CIMAP1D: variants seen among roughly 807,000 people sequenced by gnomAD.
CIMAP1D encodes the protein protein CIMAP1D.
At chr19:490,150 G>T in the CIMAP1D span, 1 of 379,634 alleles carries the variant, frequency 2.6e-6, no homozygotes, top group Non-Finnish European at 4.7e-6. Context: ...GAGGTCAGGA[G>T]TTTGAGACCA....
At chr19:482,153 C>T in the CIMAP1D span, among the ~76,000 whole-genome samples, 21 of 152,150 alleles carry the variant, frequency 1.4e-4, no homozygotes, top group African/African-American at 5.1e-4. Context: ...TTTATTAACC[C>T]CCATATCCAA....
At chr19:474,592 C>G in the CIMAP1D span, 1 of 1,484,994 alleles carries the variant, frequency 6.7e-7, no homozygotes, top group Non-Finnish European at 9.0e-7. Flanking sequence ...AGGAAAAGGT[C>G]CCACCCATCC....
chr19:464,823 G>T, the CIMAP1D span, among the ~76,000 whole-genome samples: 3 of 152,350 alleles, frequency 2.0e-5, no homozygotes, highest in Admixed American at 2.0e-4. Flanking sequence ...AGGATAGGTA[G>T]GAGGTGAGTG....
At chr19:482,162 A>G in the CIMAP1D span, among the ~76,000 whole-genome samples, 31 of 152,332 alleles carry the variant, frequency 2.0e-4, no homozygotes, top group African/African-American at 7.5e-4. Context: ...CCCCATATCC[A>G]AAATAATATC....
the CIMAP1D span, among the ~76,000 whole-genome samples, chr19:491,041 A>C: frequency 3.3e-5 from 5 of 151,860 alleles, no homozygotes; most frequent in Non-Finnish European, 7.4e-5. Flanking sequence ...GGTTGCAGTG[A>C]GCTGAGATCG....
the CIMAP1D span, chr19:463,838 C>A: frequency 1.2e-6 from 2 of 1,604,842 alleles, no homozygotes; most frequent in Non-Finnish European, 1.7e-6. Flanking sequence ...GGGAAACAGG[C>A]CTGGCCTAGC....
chr19:491,053 G>A, the CIMAP1D span, among the ~76,000 whole-genome samples: 1 of 151,562 alleles, frequency 6.6e-6, no homozygotes, highest in Non-Finnish European at 1.5e-5. Context: ...CTGAGATCGT[G>A]CCACTGCACT....
At chr19:490,576 A>G in the CIMAP1D span, among the ~76,000 whole-genome samples, 1 of 152,230 alleles carries the variant, frequency 6.6e-6, no homozygotes, top group Non-Finnish European at 1.5e-5. Context: ...TCAGGCCACT[A>G]AAGTTCTAGT....
the CIMAP1D span, chr19:464,194 T>C: frequency 6.6e-7 from 1 of 1,510,618 alleles, no homozygotes; most frequent in Non-Finnish European, 8.9e-7. Context: ...TTGGTGAAGA[T>C]CTGTGAGCCC....
At chr19:472,429 C>A in the CIMAP1D span, 2 of 1,546,122 alleles carry the variant, frequency 1.3e-6, no homozygotes, top group Non-Finnish European at 1.7e-6. Context: ...GTAGGCGGGA[C>A]TGGCCACCCT....
chr19:487,964 C>T, the CIMAP1D span, among the ~76,000 whole-genome samples: 1 of 152,132 alleles, frequency 6.6e-6, no homozygotes, highest in East Asian at 1.9e-4. Context: ...AAACCCTTGT[C>T]CTGTTCTGTT....
At chr19:467,872 C>A in the CIMAP1D span, 2 of 662,714 alleles carry the variant, frequency 3.0e-6, no homozygotes, top group Non-Finnish European at 5.2e-6. Flanking sequence ...AGGTCAGAGG[C>A]CACCCCAGTC....
the CIMAP1D span, among the ~76,000 whole-genome samples, chr19:464,890 TGATGGATGGATG>T: frequency 2.1e-3 from 313 of 148,304 alleles, 1 homozygote; most frequent in Middle Eastern, 0.01. Flanking sequence ...GATGAGTGGA[TGATGGATGGATG>T]GATGGATGGA....
chr19:487,665 G>A, the CIMAP1D span, among the ~76,000 whole-genome samples: 1 of 152,126 alleles, frequency 6.6e-6, no homozygotes, highest in African/African-American at 2.4e-5. Flanking sequence ...GTGAGACCCT[G>A]TGTCAAAATA....
the CIMAP1D span, among the ~76,000 whole-genome samples, chr19:480,920 G>GT: frequency 1.2e-5 from 1 of 81,526 alleles, no homozygotes; most frequent in Admixed American, 1.2e-4. Flanking sequence ...GAAGGATGAT[G>GT]GGGAAGGATG....
At chr19:481,344 T>G in the CIMAP1D span, among the ~76,000 whole-genome samples, 1 of 107,644 alleles carries the variant, frequency 9.3e-6, no homozygotes, top group Middle Eastern at 7.7e-3. Context: ...TGGAGAAGGA[T>G]GATGGGAAGG....
chr19:481,539 AGGATGATGGAG>A, the CIMAP1D span, among the ~76,000 whole-genome samples: 1 of 41,610 alleles, frequency 2.4e-5, no homozygotes, highest in Admixed American at 2.6e-4. Flanking sequence ...AGGATGATGG[AGGATGATGGAG>A]AAGGATGATG....
the CIMAP1D span, among the ~76,000 whole-genome samples, chr19:480,933 GGGAAGGATGATGGAGAAGGAATGT>G: frequency 7.1e-6 from 1 of 140,906 alleles, no homozygotes; most frequent in South Asian, 2.7e-4. Flanking sequence ...GAAGGATGAT[GGGAAGGATGATGGAGAAGGAATGT>G]GGGAAGGATG....
chr19:484,139 C>CTTTTTTTTTTTTTTTTTT, the CIMAP1D span, among the ~76,000 whole-genome samples: 1 of 129,442 alleles, frequency 7.7e-6, no homozygotes, highest in Non-Finnish European at 1.6e-5. Flanking sequence ...TTTTCTTTTT[C>CTTTTTTTTTTTTTTTTTT]TTTTTTTTTT....
Sources: gnomAD v4.1 joint callset for allele counts (sites outside exome capture counted in the v4.1 genomes callset) on GRCh38, gnomAD v4.1.1 for gene constraint, MANE v1.5 for transcripts, NCBI Gene and HGNC (gene_info 2026-07-23, HGNC 2026-07-21) for gene names.